AKIRIN2: variants seen among roughly 807,000 people sequenced by gnomAD.
AKIRIN2 encodes the protein akirin-2.
In AKIRIN2, 6 loss-of-function variants were observed where a neutral mutation model predicts 29.3. That is an observed-to-expected ratio of 0.20 (90% CI 0.11 to 0.40). The LOEUF is 0.40. AKIRIN2 is among the 10% of genes least tolerant of loss of function. The pLI, the probability that AKIRIN2 is intolerant of heterozygous loss-of-function variation, is 1.00. For missense variants in AKIRIN2, 210 were observed against 276.1 expected, an observed-to-expected ratio of 0.76 and a Z score of 1.70; for synonymous variants, 128 against 117.5, an observed-to-expected ratio of 1.09 and a Z score of -0.58.
At chr6:87,688,152 G>C (rs540071293) in intron 1 of AKIRIN2, among the ~76,000 whole-genome samples, 1 of 152,094 alleles carries the variant, frequency 6.6e-6, no homozygotes, top group Admixed American at 6.5e-5. Flanking sequence ...TTTGTGGGGG[G>C]ACAGAGTCTC....
Position 87,675,510 on chromosome 6 carries a change from G to T in AKIRIN2, c.*87C>A. 3 of 1,532,590 alleles carry T rather than the reference G, an allele frequency of 2.0e-6. No homozygotes were observed. Among genetic ancestry groups the T allele is most frequent in the East Asian group, 2.3e-5 (1 of 44,402 alleles). The allele number at this position is 1,532,590 out of a possible 1,614,324, so 94.9% of individuals were successfully genotyped here. A position where few individuals can be genotyped will look rare whatever the true frequency, so the allele number is the denominator to read the frequency against. ...GAAATAACCTGTATTCACAGAAGGG[G>T]TATTGGCATTGCTGCATGTCATAAT... is the stretch of plus-strand genomic sequence containing the variant. On this transcript the variant is annotated 3_prime_UTR_variant, in exon 5 of 5. Transcript: ENST00000257787.
intron 1 of AKIRIN2, 95 bp downstream of exon 1, chr6:87,701,355 T>C (rs976833208): frequency 7.5e-7 from 1 of 1,326,674 alleles, no homozygotes; most frequent in African/African-American, 1.6e-5. Flanking sequence ...AACCACACAG[T>C]CCGGCACCCC....
rs977660787 is a variant in AKIRIN2 at position 87,702,013 on chromosome 6, G to C, written c.-329C>G. 1.9e-4 allele frequency: 75 copies of C among 404,352 alleles called. No individual in the cohort carries two copies. Among genetic ancestry groups the C allele is most frequent in the Non-Finnish European group, 3.0e-4 (70 of 229,532 alleles). The allele number at this position is 404,352 out of a possible 1,614,324, so 25.0% of individuals were successfully genotyped here. A position where few individuals can be genotyped will look rare whatever the true frequency, so the allele number is the denominator to read the frequency against. On this transcript the variant is annotated 5_prime_UTR_variant, in exon 1 of 5. Transcript: ENST00000257787. ...CTCCGGCCGCCCCCGCCGTCCGCTC[G>C]AGCTTTGCGCCGCGCCTGAGGCGCT...
At chr6:87,679,903 C>G (rs1771090123) in intron 2 of AKIRIN2, among the ~76,000 whole-genome samples, 1 of 152,344 alleles carries the variant, frequency 6.6e-6, no homozygotes, top group Admixed American at 6.5e-5. Context: ...TGAATTTGCC[C>G]TGGTACCACC....
chr6:87,681,619 C>G lies in AKIRIN2; in HGVS notation c.379+1G>C. 6.2e-7 allele frequency: 1 copy of G among 1,600,204 alleles called. No individual in the cohort carries two copies. Among genetic ancestry groups the G allele is most frequent in the Non-Finnish European group, 8.5e-7 (1 of 1,176,564 alleles). On this transcript the variant is annotated splice_donor_variant, in intron 2 of 4. Coordinates refer to ENST00000257787, the MANE Select transcript of AKIRIN2 (RefSeq NM_018064.4). LOFTEE classifies it high-confidence loss of function. ...TTGTAAATGACAAGAAATGTTATTACCTGGTGAAGCTGGTCCACTGAGGAG... is the reference window on the plus strand; with the variant it reads ...TTGTAAATGACAAGAAATGTTATTAGCTGGTGAAGCTGGTCCACTGAGGAG...
At position 87,681,616 on chromosome 6, in the gene AKIRIN2, T is replaced by C. The variant is rs149384256; in HGVS notation, c.379+4A>G. 11,775 of 1,598,876 alleles carry C rather than the reference T, an allele frequency of 7.4e-3. 67 individuals are homozygous for C. Among genetic ancestry groups the C allele is most frequent in the South Asian group, 0.013 (1,165 of 87,498 alleles). Reference sequence around the variant, plus strand: ...ACTTTGTAAATGACAAGAAATGTTATTACCTGGTGAAGCTGGTCCACTGAG... The same window carrying C: ...ACTTTGTAAATGACAAGAAATGTTACTACCTGGTGAAGCTGGTCCACTGAG... On this transcript the variant is annotated splice_donor_region_variant and intron_variant, in intron 2 of 4. Transcript: ENST00000257787.
At chr6:87,679,437 G>A (rs1357599600) in intron 2 of AKIRIN2, among the ~76,000 whole-genome samples, 1 of 152,096 alleles carries the variant, frequency 6.6e-6, no homozygotes, top group Non-Finnish European at 1.5e-5. Context: ...GGTGGAGGTT[G>A]CAGTGAGCCA....
At chr6:87,686,937 T>A (rs1771197493) in intron 1 of AKIRIN2, among the ~76,000 whole-genome samples, 1 of 149,374 alleles carries the variant, frequency 6.7e-6, no homozygotes, top group Non-Finnish European at 1.5e-5. Context: ...TCCCAGCTAC[T>A]CGGGAGACTG....
intron 1 of AKIRIN2, among the ~76,000 whole-genome samples, chr6:87,693,697 C>A (rs1427085399): frequency 6.8e-6 from 1 of 146,580 alleles, no homozygotes; most frequent in African/African-American, 2.7e-5. Context: ...TGCACTCCAG[C>A]CTGGGCGACA....
intron 2 of AKIRIN2, 44 bp downstream of exon 2, chr6:87,681,576 C>T: frequency 6.4e-7 from 1 of 1,558,760 alleles, no homozygotes; most frequent in Non-Finnish European, 8.7e-7. Flanking sequence ...AGACTTTTCC[C>T]ACTCTAAATA....
In AKIRIN2 at chr6:87,701,476, C is replaced by T; in HGVS notation, c.209G>A (p.Gly70Asp). ...KYLRMEPSPF[G>D]DVSSRLTTEQ... The stretch of plus-strand genomic sequence containing the variant: ...TGTGGTGAGGCGGGAGGAGACGTCG[C>T]CGAAGGGGGATGGCTCCATTCGGAG... Residue 70 changes from glycine (G) to aspartate (D), a missense_variant, in exon 1 of 5, where the codon GGC (glycine) becomes GAC (aspartate). Gly to Asp is a moderately conservative substitution (Grantham distance 94). Around this residue, in one of 2 missense-constraint regions of AKIRIN2, gnomAD observed 199 missense variants for 236.5 expected, o/e 0.84. Coordinates refer to ENST00000257787, the MANE Select transcript of AKIRIN2 (RefSeq NM_018064.4). 1.3e-6 allele frequency: 2 copies of T among 1,517,180 alleles called. No homozygotes were observed. Among genetic ancestry groups the T allele is most frequent in the Non-Finnish European group, 1.8e-6 (2 of 1,136,230 alleles). The allele number at this position is 1,517,180 out of a possible 1,614,324, so 94.0% of individuals were successfully genotyped here. A position where few individuals can be genotyped will look rare whatever the true frequency, so the allele number is the denominator to read the frequency against.
chr6:87,686,069 G>A (rs1680333846), intron 1 of AKIRIN2, among the ~76,000 whole-genome samples: 1 of 152,114 alleles, frequency 6.6e-6, no homozygotes, highest in Non-Finnish European at 1.5e-5. Context: ...ATAAAAATGA[G>A]CTGGGTGTGG....
chr6:87,687,408 C>T (rs2128301830), intron 1 of AKIRIN2, among the ~76,000 whole-genome samples: 1 of 124,462 alleles, frequency 8.0e-6, no homozygotes, highest in African/African-American at 3.2e-5. Flanking sequence ...CATTGCACTC[C>T]AGCCTGGGCA....
Position 87,689,171 on chromosome 6 carries a change from T to C in AKIRIN2, c.236-7408A>G, listed in dbSNP as rs116372552. Among the ~76,000 whole-genome samples the C allele has an allele frequency of 5.2e-3, 794 of 151,988 alleles. 9 individuals carry two copies. Among genetic ancestry groups the C allele is most frequent in the African/African-American group, 0.019 (768 of 41,452 alleles). ...ACGATCAAGCTGAAGAACAAAACAATCTCCTATAACAACTTGTTCAGGCAC... is the reference window on the plus strand; with the variant it reads ...ACGATCAAGCTGAAGAACAAAACAACCTCCTATAACAACTTGTTCAGGCAC... On this transcript the variant is annotated intron_variant, in intron 1 of 4. Transcript: ENST00000257787.
intron 2 of AKIRIN2, among the ~76,000 whole-genome samples, chr6:87,680,093 A>G (rs1771092510): frequency 6.6e-6 from 1 of 152,194 alleles, no homozygotes; most frequent in Admixed American, 6.5e-5. Context: ...CTGCCAGTTA[A>G]CTGATCTTCT....
chr6:87,688,039 G>C (rs1771216568), intron 1 of AKIRIN2, among the ~76,000 whole-genome samples: 1 of 152,106 alleles, frequency 6.6e-6, no homozygotes, highest in South Asian at 2.1e-4. Context: ...AAATGAGGTA[G>C]AAAGATAGTT....
At position 87,674,977 on chromosome 6, in the gene AKIRIN2, T is replaced by G. The variant is rs1183650012; in HGVS notation, c.*620A>C. On this transcript the variant is annotated 3_prime_UTR_variant, in exon 5 of 5. Transcript: ENST00000257787. Reference sequence around the variant, plus strand: ...CTAAATTCCAGTACTACAAGGGCAGTAAAACAATGATACACTGGAAAAAAA... The same window carrying G: ...CTAAATTCCAGTACTACAAGGGCAGGAAAACAATGATACACTGGAAAAAAA... 1 of 121,684 alleles carries G rather than the reference T, an allele frequency of 8.2e-6. No homozygotes were observed. The highest frequency in any genetic ancestry group is 1.7e-5 in the Non-Finnish European group (1 of 58,992). The allele number at this position is 121,684 out of a possible 1,614,324, so 7.5% of individuals were successfully genotyped here.
Position 87,675,496 on chromosome 6 carries a change from T to C in AKIRIN2, c.*101A>G. On this transcript the variant is annotated 3_prime_UTR_variant, in exon 5 of 5. Transcript: ENST00000257787. The stretch of plus-strand genomic sequence containing the variant: ...ACTGACGAAAGCTTGAAATAACCTG[T>C]ATTCACAGAAGGGGTATTGGCATTG... 1 of 1,507,386 alleles carries C rather than the reference T, an allele frequency of 6.6e-7. No individual in the cohort carries two copies. Among genetic ancestry groups the C allele is most frequent in the Non-Finnish European group, 9.2e-7 (1 of 1,086,520 alleles). 93.4% of individuals were successfully genotyped at this position (1,507,386 alleles called of 1,614,324 possible).
In AKIRIN2 at chr6:87,701,810, C is replaced by T. The variant is rs1771472412; in HGVS notation, c.-126G>A. 2 of 662,244 alleles carry T rather than the reference C, an allele frequency of 3.0e-6. No individual in the cohort carries two copies. Among genetic ancestry groups the T allele is most frequent in the African/African-American group, 1.9e-5 (1 of 52,620 alleles). 41.0% of individuals were successfully genotyped at this position (662,244 alleles called of 1,614,324 possible). On this transcript the variant is annotated 5_prime_UTR_variant, in exon 1 of 5. Transcript: ENST00000257787. ...CTACCCGACGGGCTCAGGAGCCAAG[C>T]GGGTCGCGGAGCGCCGGCTGTGGAA... is the stretch of plus-strand genomic sequence containing the variant.
Sources: allele counts gnomAD v4.1 joint callset (sites outside exome capture counted in the v4.1 genomes callset), GRCh38; gene constraint gnomAD v4.1.1; regional missense constraint gnomAD v4.1.1; transcripts MANE v1.5; gene names NCBI Gene and HGNC (gene_info 2026-07-23, HGNC 2026-07-21).